Variants in DGKG observed in about 807,000 individuals in gnomAD.
DGKG encodes the protein diacylglycerol kinase gamma, also known as DAG kinase gamma.
DGKG carries 78 observed loss-of-function variants against 105.3 expected under a neutral mutation model. The ratio of observed to expected loss-of-function variants is 0.74; its 90% CI spans 0.62 to 0.89. The LOEUF is 0.89. Ranked by LOEUF, DGKG falls within the 40% of genes least tolerant of loss-of-function variation. The pLI, the probability that DGKG is intolerant of heterozygous loss-of-function variation, is 0.00. For missense variants in DGKG, 958 were observed against 1,020.1 expected (o/e 0.94, Z 0.83); for synonymous variants, 346 against 367.1 (o/e 0.94, Z 0.66).
chr3:186,267,996 C>T lies in DGKG; in HGVS notation c.1117-219G>A, dbSNP rs546199046. On this transcript the variant is annotated intron_variant, in intron 12 of 24. Coordinates refer to ENST00000265022, the MANE Select transcript of DGKG (RefSeq NM_001346.3). The stretch of plus-strand genomic sequence containing the variant: ...TGGGCTGAGCAAAGAGGCCAAGAGC[C>T]GCTCATGGCTACTGAAGCGACACAG... 2.0e-5 allele frequency among the ~76,000 whole-genome samples: 3 copies of T among 152,080 alleles called. No homozygotes were observed. The South Asian group carries it at 6.2e-4, about 32-fold the overall frequency.
At chr3:186,198,978 G>T (rs1034930638) in intron 21 of DGKG, among the ~76,000 whole-genome samples, 1 of 151,940 alleles carries the variant, frequency 6.6e-6, no homozygotes, top group African/African-American at 2.4e-5. Context: ...ACGGAGTTTT[G>T]CTCTTGTTAC....
At chr3:186,338,538 T>C (rs140776584) in intron 1 of DGKG, among the ~76,000 whole-genome samples, 1 of 152,296 alleles carries the variant, frequency 6.6e-6, no homozygotes, top group Admixed American at 6.5e-5. Flanking sequence ...GTACAAATAT[T>C]CTTATGTAAC....
intron 5 of DGKG, among the ~76,000 whole-genome samples, chr3:186,291,318 C>T (rs1723301529): frequency 1.3e-5 from 2 of 151,292 alleles, no homozygotes; most frequent in African/African-American, 4.8e-5. Flanking sequence ...CCCTTATGAA[C>T]ACAGAGGCAA....
intron 14 of DGKG, among the ~76,000 whole-genome samples, chr3:186,264,465 T>C (rs866985913): frequency 3.4e-4 from 52 of 152,302 alleles, no homozygotes; most frequent in African/African-American, 1.1e-3. Flanking sequence ...GGTTTCACCA[T>C]GTTGGCCAGT....
At chr3:186,190,864 C>A (rs1240678186) in intron 21 of DGKG, among the ~76,000 whole-genome samples, 1 of 152,198 alleles carries the variant, frequency 6.6e-6, no homozygotes, top group East Asian at 1.9e-4. Context: ...CGAGCACTCT[C>A]CTTGGTCAGT....
rs539325967 is a variant in DGKG, at chr3:186,239,638, C to T, written c.1826+2866G>A. On this transcript the variant is annotated intron_variant, in intron 20 of 24. Transcript: ENST00000265022. ...TGTATGCAAAGTTCTTCATAGGAAGCGTTCGGTGACCTTGTGAAATAGGTG... is the reference window on the plus strand; with the variant it reads ...TGTATGCAAAGTTCTTCATAGGAAGTGTTCGGTGACCTTGTGAAATAGGTG... 4.6e-5 allele frequency among the ~76,000 whole-genome samples: 7 copies of T among 152,314 alleles called. No individual in the cohort carries two copies. The East Asian group carries it at 9.6e-4, about 21-fold the overall frequency.
intron 20 of DGKG, among the ~76,000 whole-genome samples, chr3:186,213,637 C>T (rs2108522310): frequency 1.3e-5 from 2 of 152,228 alleles, no homozygotes; most frequent in Admixed American, 1.3e-4. Flanking sequence ...GGTTCTCAAA[C>T]ATTGGTATTT....
intron 5 of DGKG, among the ~76,000 whole-genome samples, chr3:186,290,823 A>G (rs533738652): frequency 1.3e-5 from 2 of 152,294 alleles, no homozygotes; most frequent in South Asian, 2.1e-4. Context: ...GTTCCCTTCA[A>G]TTATTCAGCT....
chr3:186,343,946 G>A (rs981475567), intron 1 of DGKG, among the ~76,000 whole-genome samples: 5 of 151,986 alleles, frequency 3.3e-5, no homozygotes, highest in African/African-American at 7.3e-5. Flanking sequence ...ATTTTATTGT[G>A]TAAATAGACA....
chr3:186,321,480 G>T (rs1292667694), intron 1 of DGKG, among the ~76,000 whole-genome samples: 4 of 152,208 alleles, frequency 2.6e-5, no homozygotes, highest in Non-Finnish European at 5.9e-5. Context: ...ATCATATTGT[G>T]AAGTGTCTTT....
chr3:186,359,955 A>T (rs1361093540), intron 1 of DGKG, among the ~76,000 whole-genome samples: 1 of 152,180 alleles, frequency 6.6e-6, no homozygotes, highest in Non-Finnish European at 1.5e-5. Context: ...CCACAAAGAA[A>T]AGGTACTTCC....
chr3:186,188,816 T>C (rs1315805420), intron 21 of DGKG, among the ~76,000 whole-genome samples: 1 of 152,096 alleles, frequency 6.6e-6, no homozygotes, highest in Non-Finnish European at 1.5e-5. Flanking sequence ...AATTTTCATA[T>C]ATATATATAT....
Position 186,267,705 on chromosome 3 carries a change from A to C in DGKG, c.1189T>G (p.Ser397Ala), listed in dbSNP as rs1234909478. The C allele has an allele frequency of 6.2e-7, 1 of 1,614,058 alleles. No individual in the cohort carries two copies. The highest frequency in any genetic ancestry group is 2.2e-5 in the East Asian group (1 of 44,884). Residue 397 changes from serine (S) to alanine (A), a missense_variant, in exon 13 of 25, where the codon TCC (serine) becomes GCC (alanine). Physicochemically the swap from Ser to Ala is moderately conservative, Grantham distance 99. Around this residue, in one of 2 missense-constraint regions of DGKG, gnomAD observed 643 missense variants for 619.5 expected, o/e 1.04. Coordinates refer to ENST00000265022, the MANE Select transcript of DGKG (RefSeq NM_001346.3). ...CTTACCCGGGTGATGGGGCATATGG[A>C]GGTGGGCAGTAAGATGTGGTCTCTG... is the stretch of plus-strand genomic sequence containing the variant. ...ELRDHILLPTSICPITRDRPG... is the reference protein window; with the variant it reads ...ELRDHILLPTAICPITRDRPG...
At chr3:186,339,467 C>A (rs1448222700) in intron 1 of DGKG, among the ~76,000 whole-genome samples, 1 of 152,188 alleles carries the variant, frequency 6.6e-6, no homozygotes, top group Non-Finnish European at 1.5e-5. Flanking sequence ...AAAATCAAAA[C>A]CTCAAGACTC....
chr3:186,207,548 A>C, intron 21 of DGKG: 6 of 958,260 alleles, frequency 6.3e-6, no homozygotes, highest in Non-Finnish European at 7.5e-6. Context: ...CAAAAACAAA[A>C]AGCCCTGAAA....
intron 24 of DGKG, among the ~76,000 whole-genome samples, chr3:186,157,559 C>T (rs2108472893): frequency 1.3e-5 from 2 of 152,248 alleles, no homozygotes; most frequent in Middle Eastern, 6.8e-3. Context: ...TATGGAAGAT[C>T]TCACCAATAA....
rs575987289 is a variant in DGKG, at chr3:186,328,600, G to A, written c.-248-7893C>T. On this transcript the variant is annotated intron_variant, in intron 1 of 24. Transcript: ENST00000265022. Reference sequence around the variant, plus strand: ...CTTTTTTTTTTTTTTTCTTGAGATGGAGTTTTGCTCTGCCGCCCAGACTGG... The same window carrying A: ...CTTTTTTTTTTTTTTTCTTGAGATGAAGTTTTGCTCTGCCGCCCAGACTGG... Among the ~76,000 whole-genome samples the A allele has an allele frequency of 4.0e-5, 6 of 149,710 alleles. No individual in the cohort carries two copies. In the South Asian group the frequency reaches 8.4e-4, roughly 21 times the overall value.
chr3:186,230,229 G>T (rs1720083950), intron 20 of DGKG, among the ~76,000 whole-genome samples: 1 of 152,244 alleles, frequency 6.6e-6, no homozygotes, highest in African/African-American at 2.4e-5. Context: ...CTGCACTCCA[G>T]CCTGGGCAAC....
intron 19 of DGKG, among the ~76,000 whole-genome samples, chr3:186,248,405 C>T (rs728607): frequency 0.01 from 1,559 of 152,350 alleles, 38 homozygotes; most frequent in African/African-American, 0.034. Context: ...TTCCTTGCTT[C>T]CCTCTCCATT....
Sources: allele counts gnomAD v4.1 joint callset (sites outside exome capture counted in the v4.1 genomes callset), GRCh38; gene constraint gnomAD v4.1.1; regional missense constraint gnomAD v4.1.1; transcripts MANE v1.5; gene names NCBI Gene and HGNC (gene_info 2026-07-23, HGNC 2026-07-21).